Variants in DPP6 observed in about 807,000 individuals in gnomAD.
DPP6 encodes the protein dipeptidyl peptidase like 6.
Under a neutral mutation model 122.6 loss-of-function variants are expected in DPP6, and 69 were observed. The ratio of observed to expected loss-of-function variants is 0.56; its 90% confidence interval spans 0.46 to 0.69. The LOEUF (loss-of-function observed/expected upper bound fraction) is 0.69, where lower values mean the gene tolerates loss of function less well. Ranked by LOEUF, DPP6 falls within the 30% of genes least tolerant of loss-of-function variation. The pLI, the probability that DPP6 is intolerant of heterozygous loss-of-function variation, is 0.00. For missense variants in DPP6, 928 were observed against 1,116.9 expected (o/e 0.83, Z 2.41); for synonymous variants, 418 against 433.1 (o/e 0.97, Z 0.43).
intron 3 of DPP6, among the ~76,000 whole-genome samples, chr7:154,531,334 A>G (rs1827821576): frequency 6.6e-6 from 1 of 152,222 alleles, no homozygotes; most frequent in Non-Finnish European, 1.5e-5. Context: ...ACTTCTCATT[A>G]AAAACCATGG....
chr7:154,192,306 A>T (rs558517137), intron 1 of DPP6, among the ~76,000 whole-genome samples: 4 of 152,368 alleles, frequency 2.6e-5, no homozygotes, highest in African/African-American at 9.6e-5. Flanking sequence ...TACTTGATAA[A>T]GCCACCTACA....
chr7:153,780,686 G>GA, the DPP6 span, among the ~76,000 whole-genome samples: 1 of 152,134 alleles, frequency 6.6e-6, no homozygotes, highest in African/African-American at 2.4e-5. Context: ...TATGGGGGTT[G>GA]AAAAATGAGG....
chr7:153,851,255 AATT>A, the DPP6 span, among the ~76,000 whole-genome samples: 470 of 152,344 alleles, frequency 3.1e-3, 5 homozygotes, highest in African/African-American at 0.011. Flanking sequence ...AACAATCAGC[AATT>A]ATTTGCCTTA....
rs190450288 is a variant in DPP6 at position 154,336,549 on chromosome 7, C to T, written c.244-109665C>T. Among the ~76,000 whole-genome samples the T allele has an allele frequency of 3.6e-4, 55 of 152,288 alleles. No homozygotes were observed. The South Asian group carries it at 5.4e-3, about 15-fold the overall frequency. On this transcript the variant is annotated intron_variant, in intron 1 of 25. Coordinates refer to ENST00000377770, the MANE Select transcript of DPP6 (RefSeq NM_130797.4). The stretch of plus-strand genomic sequence containing the variant: ...GGGCTTCCTGGTATCACAGGATTTG[C>T]CAGAGCTGGAACGTAACGCCCACTT...
chr7:154,389,407 C>A (rs10248950), intron 1 of DPP6, among the ~76,000 whole-genome samples: 17,675 of 151,960 alleles, frequency 0.12, 1,309 homozygotes, highest in African/African-American at 0.2. Flanking sequence ...GAGATGATTT[C>A]ATCAGCTCAA....
intron 1 of DPP6, among the ~76,000 whole-genome samples, chr7:154,016,770 A>G (rs1798439417): frequency 6.9e-6 from 1 of 144,768 alleles, no homozygotes; most frequent in Non-Finnish European, 1.5e-5. Context: ...ATTCCCACCA[A>G]CAGTGCACAA....
Position 154,608,257 on chromosome 7 carries a change from C to T in DPP6, c.628-29564C>T, listed in dbSNP as rs552111707. ...CCTCCCAAAGTGCCAGGATTACAGG[C>T]GTGAGCCACTGTGCCCCACCTAGTT... is the stretch of plus-strand genomic sequence containing the variant. On this transcript the variant is annotated intron_variant, in intron 5 of 25. Transcript: ENST00000377770. Among the ~76,000 whole-genome samples the T allele has an allele frequency of 1.0e-4, 15 of 145,692 alleles. No individual in the cohort carries two copies. In the Admixed American group the frequency reaches 1.1e-3, roughly 10 times the overall value.
intron 1 of DPP6, among the ~76,000 whole-genome samples, chr7:154,298,079 T>C (rs1805658776): frequency 6.6e-6 from 1 of 152,120 alleles, no homozygotes; most frequent in Admixed American, 6.5e-5. Flanking sequence ...CCTCGTCCGA[T>C]TAGTTGAAGG....
At chr7:154,423,272 A>T (rs7796416) in intron 1 of DPP6, among the ~76,000 whole-genome samples, 108,009 of 152,024 alleles carry the variant, frequency 0.71, 38,712 homozygotes, top group South Asian at 0.78. Flanking sequence ...GATTTAGTAG[A>T]GTCAGGGAGG....
chr7:153,957,546 C>T (rs561774994), intron 1 of DPP6, among the ~76,000 whole-genome samples: 156 of 152,222 alleles, frequency 1.0e-3, no homozygotes, highest in African/African-American at 3.6e-3. Context: ...ATGCAAACTC[C>T]TCAGGTTATG....
rs375019421 is a variant in DPP6, at chr7:154,621,564, G to A, written c.628-16257G>A. Among the ~76,000 whole-genome samples the A allele has an allele frequency of 9.8e-3, 1,496 of 151,938 alleles. 29 individuals carry two copies. Among genetic ancestry groups the A allele is most frequent in the African/African-American group, 0.034 (1,419 of 41,454 alleles). On this transcript the variant is annotated intron_variant, in intron 5 of 25. Transcript: ENST00000377770. ...TTGTATTTTTAGTAGAGACGGTTTC[G>A]CCATGTTGGCCAGGCTGGTCTTGAA...
intron 1 of DPP6, among the ~76,000 whole-genome samples, chr7:154,410,309 G>T (rs538762178): frequency 6.6e-6 from 1 of 152,282 alleles, no homozygotes; most frequent in Non-Finnish European, 1.5e-5. Context: ...CGAGATTAGT[G>T]GATTCTGGAA....
intron 7 of DPP6, among the ~76,000 whole-genome samples, chr7:154,694,353 T>C (rs889221558): frequency 6.6e-6 from 1 of 152,188 alleles, no homozygotes; most frequent in Non-Finnish European, 1.5e-5. Flanking sequence ...GGCTCACAAC[T>C]GTAATCCCAG....
intron 1 of DPP6, among the ~76,000 whole-genome samples, chr7:154,041,287 T>C (rs1221390296): frequency 6.6e-6 from 1 of 152,250 alleles, no homozygotes; most frequent in Non-Finnish European, 1.5e-5. Context: ...AATACAGTGG[T>C]ATTTTTCCCC....
intron 1 of DPP6, among the ~76,000 whole-genome samples, chr7:154,151,552 C>T (rs1796423351): frequency 6.6e-6 from 1 of 152,380 alleles, no homozygotes; most frequent in South Asian, 2.1e-4. Flanking sequence ...GGTGCTCACC[C>T]AGACCTCCCT....
chr7:154,441,689 T>C lies in DPP6; in HGVS notation c.244-4525T>C, dbSNP rs936860911. Among the ~76,000 whole-genome samples the C allele has an allele frequency of 8.5e-5, 13 of 152,154 alleles. 1 individual carries two copies. The highest frequency in any genetic ancestry group is 6.2e-4 in the South Asian group (3 of 4,828). On this transcript the variant is annotated intron_variant, in intron 1 of 25. Transcript: ENST00000377770. ...ACAGAGAGGCGTGGGCTCTATCAGC[T>C]GTAGCTGGGGAGAAAATTAAAGCGG...
intron 16 of DPP6, among the ~76,000 whole-genome samples, chr7:154,840,830 C>T (rs983128148): frequency 1.7e-4 from 26 of 152,278 alleles, no homozygotes; most frequent in Non-Finnish European, 2.4e-4. Context: ...CTAGAGAATG[C>T]GCCGCCAACT....
At chr7:154,592,118 T>G (rs1258377439) in intron 5 of DPP6, among the ~76,000 whole-genome samples, 2 of 152,152 alleles carry the variant, frequency 1.3e-5, no homozygotes, top group Non-Finnish European at 2.9e-5. Context: ...ACAGATGGAC[T>G]TTGAGATCTG....
intron 12 of DPP6, 67 bp from the exon 13 acceptor site, chr7:154,801,288 C>A: frequency 6.5e-7 from 1 of 1,542,950 alleles, no homozygotes; most frequent in Non-Finnish European, 8.8e-7. Flanking sequence ...TGTATTTTAT[C>A]CTGGTTCAAC....
Sources: gnomAD v4.1 joint callset for allele counts (sites outside exome capture counted in the v4.1 genomes callset) on GRCh38, gnomAD v4.1.1 for gene constraint, MANE v1.5 for transcripts, NCBI Gene and HGNC (gene_info 2026-07-23, HGNC 2026-07-21) for gene names.